The following HDLBP variants were observed in gnomAD, a reference collection of about 807,000 sequenced individuals.
HDLBP encodes high density lipoprotein binding protein.
In HDLBP, 30 loss-of-function variants were observed where a neutral mutation model predicts 137.3. That is an observed-to-expected ratio of 0.22 (90% confidence interval 0.16 to 0.30). The LOEUF (loss-of-function observed/expected upper bound fraction) is 0.30, where lower values mean the gene tolerates loss of function less well. Ranked by LOEUF, HDLBP falls within the 10% of genes least tolerant of loss-of-function variation. The pLI is 1.00. For missense variants in HDLBP, 1,119 were observed against 1,667.3 expected (o/e 0.67, Z 5.73); for synonymous variants, 606 against 596.0 (o/e 1.02, Z -0.24).
At chr2:241,256,127 C>T in intron 7 of HDLBP, 57 bp downstream of exon 7, 1 of 1,461,848 alleles carries the variant, frequency 6.8e-7, no homozygotes, top group Non-Finnish European at 9.6e-7. Flanking sequence ...AATCTCCAGA[C>T]CCAAATCCTC....
At chr2:241,237,390 C>T (rs1435461492) in intron 20 of HDLBP, among the ~76,000 whole-genome samples, 3 of 152,106 alleles carry the variant, frequency 2.0e-5, no homozygotes, top group South Asian at 2.1e-4. Flanking sequence ...CGCGTGTGTA[C>T]CAAAATAGAC....
intron 1 of HDLBP, among the ~76,000 whole-genome samples, chr2:241,305,396 T>G (rs1305008865): frequency 1.3e-5 from 2 of 152,090 alleles, no homozygotes; most frequent in Non-Finnish European, 2.9e-5. Flanking sequence ...GTGCTGGGAT[T>G]ACAGGCGTGA....
At position 241,229,912 on chromosome 2, in the gene HDLBP, G is replaced by T; in HGVS notation, c.3641C>A (p.Pro1214Gln). The T allele has an allele frequency of 6.2e-7, 1 of 1,601,166 alleles. No homozygotes were observed. Among genetic ancestry groups the T allele is most frequent in the Non-Finnish European group, 8.5e-7 (1 of 1,173,450 alleles). Residue 1214 changes from proline (P) to glutamine (Q), a missense_variant, in exon 27 of 28, where the codon CCA (proline) becomes CAA (glutamine). Coordinates refer to ENST00000310931, the MANE Select transcript of HDLBP (RefSeq NM_005336.6). ...AGGTGCCTTGGCCTCTTCGTGTGCTGGGGGTTTCATGTATACCTGCAGCGC... is the reference window on the plus strand; with the variant it reads ...AGGTGCCTTGGCCTCTTCGTGTGCTTGGGGTTTCATGTATACCTGCAGCGC... ...SEALQVYMKP[P>Q]AHEEAKAPSR...
chr2:241,274,306 C>T lies in HDLBP; in HGVS notation c.-102-5765G>A, dbSNP rs141174537. Among the ~76,000 whole-genome samples the T allele has an allele frequency of 2.9e-4, 44 of 152,290 alleles. 1 individual carries two copies. The East Asian group carries it at 6.7e-3, about 23-fold the overall frequency. On this transcript the variant is annotated intron_variant, in intron 1 of 27. Coordinates refer to ENST00000310931, the MANE Select transcript of HDLBP (RefSeq NM_005336.6). ...AAGGCAGAGAACACCTGCGGCTTGA[C>T]GCAGAGAAGGAGCCAAGGATATCAT...
At chr2:241,250,234 T>G in intron 11 of HDLBP, 1 of 352,094 alleles carries the variant, frequency 2.8e-6, no homozygotes, top group East Asian at 4.9e-5. Flanking sequence ...CCCCGAGACC[T>G]TCAAATAACT....
At chr2:241,278,671 G>A (rs984613669) in intron 1 of HDLBP, among the ~76,000 whole-genome samples, 1 of 152,046 alleles carries the variant, frequency 6.6e-6, no homozygotes, top group African/African-American at 2.4e-5. Context: ...AGTATGGCAA[G>A]AAAAGAAAGT....
At chr2:241,256,547 G>A in intron 6 of HDLBP, 53 bp downstream of exon 6, 2 of 1,578,602 alleles carry the variant, frequency 1.3e-6, no homozygotes, top group Non-Finnish European at 1.7e-6. Context: ...ATGAGGGAGT[G>A]AGGTCTGCAC....
At chr2:241,304,043 C>A (rs1329090386) in intron 1 of HDLBP, among the ~76,000 whole-genome samples, 1 of 152,202 alleles carries the variant, frequency 6.6e-6, no homozygotes, top group Admixed American at 6.5e-5. Context: ...AACTCCTAGG[C>A]TCCAGTGATC....
At chr2:241,281,783 T>C (rs2074618510) in intron 1 of HDLBP, among the ~76,000 whole-genome samples, 1 of 152,246 alleles carries the variant, frequency 6.6e-6, no homozygotes, top group African/African-American at 2.4e-5. Context: ...AAAATGGTAG[T>C]ATCTTACATT....
chr2:241,251,751 G>A (rs1047970142), intron 11 of HDLBP, among the ~76,000 whole-genome samples: 2 of 152,228 alleles, frequency 1.3e-5, no homozygotes, highest in Non-Finnish European at 2.9e-5. Context: ...GAGGTGGGCA[G>A]ATCAACTAAG....
At chr2:241,308,314 T>G (rs540652586) in intron 1 of HDLBP, among the ~76,000 whole-genome samples, 21 of 152,148 alleles carry the variant, frequency 1.4e-4, no homozygotes, top group Admixed American at 3.9e-4. Context: ...AAAATCCACA[T>G]CTGGGCAACA....
intron 1 of HDLBP, among the ~76,000 whole-genome samples, chr2:241,275,634 C>T (rs188080772): frequency 1.1e-4 from 16 of 152,248 alleles, no homozygotes; most frequent in Admixed American, 5.2e-4. Context: ...AATCAAAACA[C>T]ACTACAGAGT....
intron 27 of HDLBP, 49 bp downstream of exon 27, chr2:241,229,784 G>GGGCCCCCCCCCCCCCC: frequency 6.7e-7 from 1 of 1,502,546 alleles, no homozygotes; most frequent in Non-Finnish European, 9.1e-7. Flanking sequence ...AAGCCCGCCT[G>GGGCCCCCCCCCCCCCC]CCCGCCCACC....
At chr2:241,286,598 C>T (rs1377180261) in intron 1 of HDLBP, among the ~76,000 whole-genome samples, 1 of 152,154 alleles carries the variant, frequency 6.6e-6, no homozygotes, top group African/African-American at 2.4e-5. Context: ...TGTCTCCCTA[C>T]AATGTATAAA....
chr2:241,237,589 A>G (rs1411142853), intron 20 of HDLBP, among the ~76,000 whole-genome samples: 3 of 152,192 alleles, frequency 2.0e-5, no homozygotes, highest in East Asian at 1.9e-4. Context: ...TACCGACAAC[A>G]TATTAGATAC....
In HDLBP at chr2:241,233,288, CT is replaced by C. The variant is rs1005362459; in HGVS notation, c.3288+531del. 1.3e-5 allele frequency among the ~76,000 whole-genome samples: 2 copies of C among 152,118 alleles called. No homozygotes were observed. The highest frequency in any genetic ancestry group is 2.9e-5 in the Non-Finnish European group (2 of 68,006). ...GGCAGGGCCCAGAGAGGGGATGGGG[CT>C]GCCTTTCATTTTGTTCTGAGTGAAG... On this transcript the variant is annotated intron_variant, in intron 24 of 27. Transcript: ENST00000310931. The surrounding 1 kb of genome is among the most constrained non-coding windows in gnomAD (Gnocchi z 4.3).
chr2:241,272,682 C>A lies in HDLBP; in HGVS notation c.-102-4141G>T, dbSNP rs2074191720. ...CGCGGCCTCCACGTCAGCAGCCACC[C>A]CCCACCCCCCCGCCCGGCAGCCCGC... On this transcript the variant is annotated intron_variant, in intron 1 of 27. Coordinates refer to ENST00000310931, the MANE Select transcript of HDLBP (RefSeq NM_005336.6). The surrounding 1 kb of genome is among the most constrained non-coding windows in gnomAD (Gnocchi z 5.6). The A allele has an allele frequency of 3.8e-6, 3 of 779,632 alleles. No individual in the cohort carries two copies. Among genetic ancestry groups the A allele is most frequent in the Non-Finnish European group, 3.1e-6 (2 of 648,126 alleles). 48.3% of individuals were successfully genotyped at this position (779,632 alleles called of 1,614,324 possible). A position where few individuals can be genotyped will look rare whatever the true frequency, so the allele number is the denominator to read the frequency against.
In HDLBP at chr2:241,253,486, C is replaced by A; in HGVS notation, c.1200G>T (p.Glu400Asp). 1 of 1,612,446 alleles carries A rather than the reference C, an allele frequency of 6.2e-7. No individual in the cohort carries two copies. Among genetic ancestry groups the A allele is most frequent in the Non-Finnish European group, 8.5e-7 (1 of 1,178,488 alleles). Residue 400 changes from glutamate (E) to aspartate (D), a missense_variant, in exon 10 of 28, where the codon GAG (glutamate) becomes GAT (aspartate). Transcript: ENST00000310931. ...TGATCTTGTCTTCGCCCTCTGTGAA[C>A]TCGATGTGAACCTACCACACCAAAA... ...ITQQMPKVHI[E>D]FTEGEDKITL...
chr2:241,243,149 T>A (rs2071405643), intron 16 of HDLBP, among the ~76,000 whole-genome samples: 1 of 152,142 alleles, frequency 6.6e-6, no homozygotes, highest in African/African-American at 2.4e-5. Context: ...ATGGTGACTT[T>A]CAAGACCCTG....
Sources: gnomAD v4.1 joint callset for allele counts (sites outside exome capture counted in the v4.1 genomes callset) on GRCh38, gnomAD v4.1.1 for gene constraint, Gnocchi (gnomAD v3.1) non-coding constraint, MANE v1.5 for transcripts, NCBI Gene and HGNC (gene_info 2026-07-23, HGNC 2026-07-21) for gene names.